The following LRP1B variants were observed in gnomAD, a reference collection of about 807,000 sequenced individuals.
LRP1B encodes low-density lipoprotein receptor-related protein 1B.
LRP1B carries 217 observed loss-of-function variants against 556.6 expected under a neutral mutation model. The observed-to-expected ratio is 0.39, with a 90% CI of 0.35 to 0.44. The LOEUF is 0.44. Ranked by LOEUF, LRP1B falls within the 20% of genes least tolerant of loss-of-function variation. The probability of loss-of-function intolerance (pLI) is 1.00; values close to 1 mark genes in which losing one functional copy is unlikely to be tolerated. For synonymous variants in LRP1B, 2,047 were observed against 1,865.8 expected, an observed-to-expected ratio of 1.10 and a Z score of -2.50; for missense variants, 5,053 against 5,620.8, an observed-to-expected ratio of 0.90 and a Z score of 3.23.
chr2:140,639,570 T>C (rs1275865289), intron 41 of LRP1B, among the ~76,000 whole-genome samples: 4 of 152,346 alleles, frequency 2.6e-5, no homozygotes, highest in Non-Finnish European at 1.5e-5. Context: ...CAGTACTTGC[T>C]GCATTTTTAA....
In LRP1B at chr2:141,250,334, T is replaced by C. The variant is rs182016167; in HGVS notation, c.464-2980A>G. Among the ~76,000 whole-genome samples the C allele has an allele frequency of 6.8e-4, 103 of 152,154 alleles. 1 individual carries two copies. Among genetic ancestry groups the C allele is most frequent in the African/African-American group, 2.4e-3 (101 of 41,520 alleles). On this transcript the variant is annotated intron_variant, in intron 4 of 90. Transcript: ENST00000389484. ...AACAGTGGATTAGAGTGTGGAAACTTTCAGCCCCATCTCCTGACCTCCAGT... is the reference window on the plus strand; with the variant it reads ...AACAGTGGATTAGAGTGTGGAAACTCTCAGCCCCATCTCCTGACCTCCAGT...
intron 41 of LRP1B, among the ~76,000 whole-genome samples, chr2:140,677,666 G>T (rs1382419863): frequency 2.0e-5 from 3 of 151,908 alleles, no homozygotes; most frequent in Non-Finnish European, 2.9e-5. Flanking sequence ...TGAGGTCAGT[G>T]GTTCGAGATC....
chr2:140,715,652 G>T (rs2105460224), intron 37 of LRP1B, among the ~76,000 whole-genome samples: 1 of 152,116 alleles, frequency 6.6e-6, no homozygotes. Flanking sequence ...CTATCAAATG[G>T]CTATTTTACT....
At chr2:141,867,688 T>A (rs1698456320) in intron 1 of LRP1B, among the ~76,000 whole-genome samples, 1 of 152,188 alleles carries the variant, frequency 6.6e-6, no homozygotes, top group South Asian at 2.1e-4. Context: ...CAACAATAAC[T>A]ATTATTTTTC....
At chr2:141,553,725 TATATA>T (rs1431557906) in intron 2 of LRP1B, among the ~76,000 whole-genome samples, 3 of 17,950 alleles carry the variant, frequency 1.7e-4, no homozygotes, top group African/African-American at 1.8e-4. Flanking sequence ...TTTATATATC[TATATA>T]ATATATTATA....
At chr2:141,758,838 A>T (rs1694417950) in intron 2 of LRP1B, among the ~76,000 whole-genome samples, 1 of 152,148 alleles carries the variant, frequency 6.6e-6, no homozygotes, top group Non-Finnish European at 1.5e-5. Context: ...GAAGAAAAGT[A>T]CTAAATACTC....
chr2:140,523,260 A>G (rs1690260464), intron 49 of LRP1B, among the ~76,000 whole-genome samples: 1 of 152,030 alleles, frequency 6.6e-6, no homozygotes, highest in Admixed American at 6.6e-5. Context: ...AATAAGTATG[A>G]TTCACTACAT....
chr2:141,589,863 A>T (rs1355087899), intron 2 of LRP1B, among the ~76,000 whole-genome samples: 1 of 152,210 alleles, frequency 6.6e-6, no homozygotes, highest in Non-Finnish European at 1.5e-5. Context: ...TGGAAGAGTT[A>T]GGGTGCACAT....
chr2:141,055,097 T>C lies in LRP1B; in HGVS notation c.1552+19A>G. The stretch of plus-strand genomic sequence containing the variant: ...CTAAAGGGGTAGCTGCTGGCAAATG[T>C]TTTATTTTAACAACATACTTTTGCA... On this transcript the variant is annotated intron_variant, in intron 10 of 90. Transcript: ENST00000389484. The C allele has an allele frequency of 6.2e-7, 1 of 1,610,772 alleles. No homozygotes were observed. The highest frequency in any genetic ancestry group is 1.1e-5 in the South Asian group (1 of 90,820).
intron 1 of LRP1B, among the ~76,000 whole-genome samples, chr2:142,120,115 T>TCTTGTTTG (rs57762000): frequency 6.6e-6 from 1 of 151,800 alleles, no homozygotes; most frequent in African/African-American, 2.4e-5. Context: ...CTACAGGTTT[T>TCTTGTTTG]TTTGTTTGTT....
chr2:141,257,851 G>C (rs1029696227), intron 3 of LRP1B, among the ~76,000 whole-genome samples: 15 of 152,210 alleles, frequency 9.9e-5, no homozygotes, highest in Non-Finnish European at 1.9e-4. Flanking sequence ...CTAATTATTA[G>C]AGTTATCTAT....
intron 69 of LRP1B, 100 bp from the exon 70 acceptor site, chr2:140,371,385 TAA>T (rs1219487902): frequency 5.7e-6 from 3 of 525,530 alleles, no homozygotes; most frequent in South Asian, 7.3e-5. Flanking sequence ...TAGATGGTAA[TAA>T]AAATAGTTTA....
intron 3 of LRP1B, among the ~76,000 whole-genome samples, chr2:141,304,239 C>G (rs1306547052): frequency 6.6e-6 from 1 of 151,954 alleles, no homozygotes; most frequent in Non-Finnish European, 1.5e-5. Context: ...ATGATTGTTT[C>G]CTTTACTGCA....
intron 28 of LRP1B, 25 bp downstream of exon 28, chr2:140,851,627 T>C (rs1279466106): frequency 6.3e-7 from 1 of 1,593,460 alleles, no homozygotes; most frequent in African/African-American, 1.4e-5. Context: ...GTTTTTATTT[T>C]CGATTAGAAC....
chr2:141,987,295 A>T (rs1278579720), intron 1 of LRP1B, among the ~76,000 whole-genome samples: 2 of 151,986 alleles, frequency 1.3e-5, no homozygotes, highest in Non-Finnish European at 2.9e-5. Flanking sequence ...TCAGGAGTTT[A>T]AAAAAATACT....
At chr2:140,898,015 C>T (rs138872883) in intron 23 of LRP1B, among the ~76,000 whole-genome samples, 337 of 152,174 alleles carry the variant, frequency 2.2e-3, no homozygotes, top group African/African-American at 7.6e-3. Flanking sequence ...ACCAACTTTT[C>T]GGTTTAGGAG....
At chr2:142,055,126 T>C (rs966566093) in intron 1 of LRP1B, among the ~76,000 whole-genome samples, 10 of 152,080 alleles carry the variant, frequency 6.6e-5, no homozygotes, top group Non-Finnish European at 1.3e-4. Flanking sequence ...AGAATGTTTT[T>C]CTCCCATTAT....
At chr2:140,476,360 G>C (rs1216707302) in intron 59 of LRP1B, among the ~76,000 whole-genome samples, 1 of 151,770 alleles carries the variant, frequency 6.6e-6, no homozygotes, top group Non-Finnish European at 1.5e-5. Context: ...TTAGCAATTA[G>C]TTCTTCAGAT....
chr2:141,172,275 G>C (rs1213555268), intron 7 of LRP1B, among the ~76,000 whole-genome samples: 1 of 152,004 alleles, frequency 6.6e-6, no homozygotes, highest in Non-Finnish European at 1.5e-5. Context: ...TTATAACATG[G>C]TCTCAGCTGG....
Sources: gnomAD v4.1 joint callset for allele counts (sites outside exome capture counted in the v4.1 genomes callset) on GRCh38, gnomAD v4.1.1 for gene constraint, MANE v1.5 for transcripts, NCBI Gene and HGNC (gene_info 2026-07-23, HGNC 2026-07-21) for gene names.